Variants in RNLS observed in about 807,000 individuals in gnomAD.
RNLS encodes the protein renalase, FAD dependent amine oxidase.
A neutral mutation model predicts 39.8 loss-of-function variants in RNLS; 39 were observed. That is an observed-to-expected ratio of 0.98 (90% confidence interval 0.76 to 1.28). RNLS has a LOEUF of 1.28. Ranked by LOEUF, RNLS falls within the 50% of genes most tolerant of loss-of-function variation. The pLI is 0.00. For missense variants in RNLS, 410 were observed against 413.3 expected (o/e 0.99, Z 0.07); for synonymous variants, 147 against 150.7 (o/e 0.98, Z 0.18).
chr10:88,371,109 G>A (rs1850525863), intron 4 of RNLS, among the ~76,000 whole-genome samples: 1 of 152,070 alleles, frequency 6.6e-6, no homozygotes, highest in Non-Finnish European at 1.5e-5. Context: ...CATTGGACGA[G>A]CTACTTAATC....
downstream of RNLS, among the ~76,000 whole-genome samples, chr10:88,268,934 A>G (rs1050880663): frequency 2.6e-5 from 4 of 152,246 alleles, no homozygotes; most frequent in Admixed American, 2.6e-4. Flanking sequence ...ACTCCAGCAC[A>G]TGGTGGCTTG....
intron 5 of RNLS, among the ~76,000 whole-genome samples, chr10:88,336,562 A>G (rs1316240172): frequency 1.3e-5 from 2 of 152,212 alleles, no homozygotes; most frequent in African/African-American, 4.8e-5. Flanking sequence ...CAGTTTCAGA[A>G]GATGTTTCTC....
intron 1 of RNLS, 110 bp from the exon 2 acceptor site, chr10:88,582,417 A>C (rs1850644819): frequency 2.5e-6 from 2 of 788,470 alleles, no homozygotes; most frequent in Non-Finnish European, 2.0e-6. Context: ...TATCTTAAGA[A>C]ACTTTTTTAA....
At chr10:88,318,703 T>TA (rs1360392070) in intron 5 of RNLS, among the ~76,000 whole-genome samples, 1 of 151,876 alleles carries the variant, frequency 6.6e-6, no homozygotes, top group Non-Finnish European at 1.5e-5. Flanking sequence ...GCCAAAATGG[T>TA]ATATCAGTAG....
At chr10:88,360,723 C>A (rs757192305) in intron 5 of RNLS, among the ~76,000 whole-genome samples, 1 of 152,150 alleles carries the variant, frequency 6.6e-6, no homozygotes, top group Non-Finnish European at 1.5e-5. Flanking sequence ...TAGAAAGGAA[C>A]AGAGCCAGTG....
downstream of RNLS, among the ~76,000 whole-genome samples, chr10:88,271,495 A>C (rs1842648869): frequency 6.6e-6 from 1 of 152,074 alleles, no homozygotes; most frequent in African/African-American, 2.4e-5. Context: ...AGCCAAGGGG[A>C]CCATTTATGC....
intron 4 of RNLS, among the ~76,000 whole-genome samples, chr10:88,486,866 T>C (rs1844557976): frequency 6.6e-6 from 1 of 152,188 alleles, no homozygotes; most frequent in South Asian, 2.1e-4. Flanking sequence ...ACTGGGTATA[T>C]ACCTAGCAGA....
chr10:88,286,934 G>A (rs1327361069), intron 6 of RNLS, among the ~76,000 whole-genome samples: 1 of 151,692 alleles, frequency 6.6e-6, no homozygotes, highest in Non-Finnish European at 1.5e-5. Context: ...AGGACTGTAA[G>A]TGCACACCAC....
intron 4 of RNLS, among the ~76,000 whole-genome samples, chr10:88,466,293 G>A (rs1843201087): frequency 1.3e-5 from 2 of 152,074 alleles, no homozygotes; most frequent in South Asian, 2.1e-4. Flanking sequence ...ATTCTGTCAT[G>A]AGGGCCGGGG....
chr10:88,565,645 G>A (rs1849448748), intron 4 of RNLS, among the ~76,000 whole-genome samples: 1 of 151,088 alleles, frequency 6.6e-6, no homozygotes, highest in African/African-American at 2.4e-5. Context: ...ATCATAAAGA[G>A]CCTACATATG....
rs544989566 is a variant in RNLS, at chr10:88,309,100, A to G, written c.876+5366T>C. The stretch of plus-strand genomic sequence containing the variant: ...AACACATGGACACATAGAGGGGAAC[A>G]ATACACCCAAGGGCCTATCAGAGGG... On this transcript the variant is annotated intron_variant, in intron 6 of 6. Coordinates refer to ENST00000331772, the MANE Select transcript of RNLS (RefSeq NM_001031709.3). 1.1e-4 allele frequency among the ~76,000 whole-genome samples: 17 copies of G among 152,270 alleles called. No homozygotes were observed. The East Asian group carries it at 3.3e-3, about 29-fold the overall frequency.
At chr10:88,554,395 C>T (rs1418986546) in intron 4 of RNLS, among the ~76,000 whole-genome samples, 4 of 151,972 alleles carry the variant, frequency 2.6e-5, no homozygotes, top group African/African-American at 4.8e-5. Flanking sequence ...AAGATCAAGT[C>T]GTGGAGGGGA....
the RNLS span, among the ~76,000 whole-genome samples, chr10:88,253,917 C>G: frequency 2.6e-5 from 4 of 152,168 alleles, no homozygotes; most frequent in Non-Finnish European, 2.9e-5. Context: ...TTTGTAGGAG[C>G]TTTCCACATT....
intron 6 of RNLS, chr10:88,309,519 T>C: frequency 5.1e-6 from 6 of 1,182,822 alleles, no homozygotes; most frequent in Non-Finnish European, 6.7e-6. Flanking sequence ...ACATTTCCCC[T>C]TTTCTCTCTT....
rs146268123 is a variant in RNLS, at chr10:88,314,594, A to G, written c.748T>C (p.Phe250Leu). Residue 250 changes from phenylalanine to leucine, a missense_variant, in exon 6 of 7, where the codon TTT becomes CTT. Physicochemically the swap from Phe to Leu is conservative, Grantham distance 22 (BLOSUM62 0). Coordinates refer to ENST00000331772, the MANE Select transcript of RNLS (RefSeq NM_001031709.3). ...CTGTGTTCCAAGTATGTAACTCCAA[A>G]TGGGACAGTGGTGTGAATCACGAGG... ...PSLVIHTTVPFGVTYLEHSIE... is the reference protein window; with the variant it reads ...PSLVIHTTVPLGVTYLEHSIE... 4 of 1,613,804 alleles carry G rather than the reference A, an allele frequency of 2.5e-6. No homozygotes were observed. Among genetic ancestry groups the G allele is most frequent in the Non-Finnish European group, 3.4e-6 (4 of 1,179,854 alleles).
chr10:88,276,373 T>C (rs891254939), intron 6 of RNLS, among the ~76,000 whole-genome samples: 1 of 152,180 alleles, frequency 6.6e-6, no homozygotes, highest in Non-Finnish European at 1.5e-5. Flanking sequence ...TAAACATTTA[T>C]CTATATTCTC....
At chr10:88,246,508 A>T in the RNLS span, among the ~76,000 whole-genome samples, 1 of 151,746 alleles carries the variant, frequency 6.6e-6, no homozygotes, top group Admixed American at 6.6e-5. Context: ...ATAATCAGGG[A>T]TGTGTGATTT....
At chr10:88,541,998 A>G (rs1348033612) in intron 4 of RNLS, among the ~76,000 whole-genome samples, 1 of 152,152 alleles carries the variant, frequency 6.6e-6, no homozygotes, top group Non-Finnish European at 1.5e-5. Flanking sequence ...GGGGAGAAGG[A>G]GAGAGATAAA....
At chr10:88,340,192 T>TA (rs1847831811) in intron 5 of RNLS, among the ~76,000 whole-genome samples, 1 of 152,208 alleles carries the variant, frequency 6.6e-6, no homozygotes, top group South Asian at 2.1e-4. Context: ...AAGCACAGGA[T>TA]AAAAATCCTT....
Sources: gnomAD v4.1 joint callset for allele counts (sites outside exome capture counted in the v4.1 genomes callset) on GRCh38, gnomAD v4.1.1 for gene constraint, MANE v1.5 for transcripts, NCBI Gene and HGNC (gene_info 2026-07-23, HGNC 2026-07-21) for gene names.